SARDH: variants seen among roughly 807,000 people sequenced by gnomAD.
The protein encoded by SARDH is sarcosine dehydrogenase, mitochondrial.
Under a neutral mutation model 109.1 loss-of-function variants are expected in SARDH, and 95 were observed. That is an observed-to-expected ratio of 0.87 (90% CI 0.74 to 1.03). The LOEUF (loss-of-function observed/expected upper bound fraction) is 1.03, where lower values mean the gene tolerates loss of function less well. Ranked by LOEUF, SARDH falls within the 50% of genes least tolerant of loss-of-function variation. The pLI is 0.00. For synonymous variants in SARDH, 572 were observed against 534.8 expected (o/e 1.07, Z -0.96); for missense variants, 1,267 against 1,287.8 (o/e 0.98, Z 0.25).
At chr9:133,670,078 C>A (rs9409879) in intron 19 of SARDH, among the ~76,000 whole-genome samples, 5 of 152,100 alleles carry the variant, frequency 3.3e-5, no homozygotes, top group Admixed American at 1.3e-4. Context: ...CTTGTAATCC[C>A]AGCACTTTGG....
intron 6 of SARDH, among the ~76,000 whole-genome samples, chr9:133,726,600 G>C (rs190621750): frequency 8.3e-4 from 127 of 152,150 alleles, no homozygotes; most frequent in African/African-American, 3.0e-3. Flanking sequence ...CCAGCGGAGT[G>C]CCCAGTTCAG....
intron 17 of SARDH, among the ~76,000 whole-genome samples, chr9:133,673,079 G>A (rs1830404265): frequency 1.3e-5 from 2 of 152,234 alleles, no homozygotes; most frequent in African/African-American, 4.8e-5. Context: ...CACTGAGCAG[G>A]GCCTAGGCAC....
chr9:133,699,974 C>T lies in SARDH; in HGVS notation c.1668+2942G>A, dbSNP rs931882558. 1.1e-4 allele frequency among the ~76,000 whole-genome samples: 16 copies of T among 152,290 alleles called. No homozygotes were observed. The South Asian group carries it at 1.2e-3, about 12-fold the overall frequency. ...TGAAAACAATTCCAATGTCCACCAA[C>T]GGATCAATGGATGAGTAAAATATGA... On this transcript the variant is annotated intron_variant, in intron 13 of 20. Coordinates refer to ENST00000439388, the MANE Select transcript of SARDH (RefSeq NM_001134707.2).
chr9:133,703,095 G>T lies in SARDH; in HGVS notation c.1555-66C>A, dbSNP rs1255559577. 11 of 1,419,700 alleles carry T rather than the reference G, an allele frequency of 7.7e-6. No homozygotes were observed. In the South Asian group the frequency reaches 1.3e-4, roughly 17 times the overall value. The allele number at this position is 1,419,700 out of a possible 1,614,324, so 87.9% of individuals were successfully genotyped here. A position where few individuals can be genotyped will look rare whatever the true frequency, so the allele number is the denominator to read the frequency against. On this transcript the variant is annotated intron_variant, in intron 12 of 20. Coordinates refer to ENST00000439388, the MANE Select transcript of SARDH (RefSeq NM_001134707.2). ...CCCTCCCCGCTTCCCTCCCCAGAGC[G>T]GGGTCCCGCTGAGGCTGTGATGGGG...
intron 2 of SARDH, 110 bp from the exon 3 acceptor site, chr9:133,732,711 C>A: frequency 8.0e-7 from 1 of 1,256,906 alleles, no homozygotes; most frequent in Non-Finnish European, 1.1e-6. Context: ...TCTTTCTCTG[C>A]AAGGTCTTTC....
intron 2 of SARDH, 39 bp downstream of exon 2, chr9:133,733,804 C>T: frequency 7.0e-7 from 1 of 1,436,638 alleles, no homozygotes; most frequent in Non-Finnish European, 9.2e-7. Flanking sequence ...CTCGCTATGT[C>T]CTATCCTTCC....
chr9:133,718,634 TGAAG>T lies in SARDH; in HGVS notation c.1020+300_1020+303del. The T allele has an allele frequency of 1.3e-6, 1 of 776,966 alleles. No homozygotes were observed. The allele number at this position is 776,966 out of a possible 1,614,324, so 48.1% of individuals were successfully genotyped here. ...TGGTTGGGAGGGCAGTGTCATTTGCTGAAGGACGTAGGACTTGTGTGCTCTCATG... is the reference window on the plus strand; with the variant it reads ...TGGTTGGGAGGGCAGTGTCATTTGCTGACGTAGGACTTGTGTGCTCTCATG... On this transcript the variant is annotated intron_variant, in intron 7 of 20. Coordinates refer to ENST00000439388, the MANE Select transcript of SARDH (RefSeq NM_001134707.2). This position sits in a 1 kb window ranked among gnomAD's most constrained non-coding sequence, Gnocchi z 4.2.
rs1457852560 is a variant in SARDH, at chr9:133,693,141, T to C, written c.1921+1117A>G. ...CTAACATCCTACACCTTCCACTTATTTTATTTTTTTAATCCTATTTCCTCC... is the reference window on the plus strand; with the variant it reads ...CTAACATCCTACACCTTCCACTTATCTTATTTTTTTAATCCTATTTCCTCC... On this transcript the variant is annotated intron_variant, in intron 15 of 20. Coordinates refer to ENST00000439388, the MANE Select transcript of SARDH (RefSeq NM_001134707.2). This position sits in a 1 kb window ranked among gnomAD's most constrained non-coding sequence, Gnocchi z 5.6. Among the ~76,000 whole-genome samples the C allele has an allele frequency of 3.9e-5, 6 of 151,970 alleles. No homozygotes were observed. Among genetic ancestry groups the C allele is most frequent in the Admixed American group, 3.3e-4 (5 of 15,268 alleles).
chr9:133,660,713 ACCC>A (rs759425045), downstream of SARDH, among the ~76,000 whole-genome samples: 1 of 151,906 alleles, frequency 6.6e-6, no homozygotes, highest in African/African-American at 2.4e-5. Context: ...GGGTGGCACA[ACCC>A]CCCATCTGTG....
chr9:133,720,973 T>C (rs1275494420), intron 6 of SARDH, among the ~76,000 whole-genome samples: 2 of 151,982 alleles, frequency 1.3e-5, no homozygotes, highest in Non-Finnish European at 2.9e-5. Context: ...GCGATTAGGC[T>C]AAAAGAAAAA....
At chr9:133,730,871 G>A (rs1283300258) in intron 4 of SARDH, among the ~76,000 whole-genome samples, 2 of 152,140 alleles carry the variant, frequency 1.3e-5, no homozygotes, top group African/African-American at 4.8e-5. Context: ...CAGCTACTCA[G>A]GAGGCTGAGG....
intron 1 of SARDH, among the ~76,000 whole-genome samples, chr9:133,735,361 C>A (rs562951609): frequency 2.0e-5 from 3 of 152,302 alleles, no homozygotes; most frequent in East Asian, 3.9e-4. Context: ...TGACCCACCC[C>A]GACTCCCTCC....
At chr9:133,733,531 C>T (rs1564302408) in intron 2 of SARDH, among the ~76,000 whole-genome samples, 3 of 152,214 alleles carry the variant, frequency 2.0e-5, no homozygotes, top group East Asian at 3.9e-4. Flanking sequence ...GCCCTCAGTC[C>T]TGGTGGCTCT....
rs118112075 is a variant in SARDH, at chr9:133,729,748, C to T, written c.915+17G>A. The stretch of plus-strand genomic sequence containing the variant: ...GCCCCCCACAGACTGACACAGAACC[C>T]GGGGCTGTCCACCTACCTGAATCCC... On this transcript the variant is annotated intron_variant, in intron 6 of 20. Transcript: ENST00000439388. The T allele has an allele frequency of 0.033, 53,415 of 1,606,662 alleles. 1,016 individuals are homozygous for T. Among genetic ancestry groups the T allele is most frequent in the Non-Finnish European group, 0.038 (44,259 of 1,175,978 alleles).
chr9:133,684,432 A>C (rs977976560), intron 17 of SARDH, among the ~76,000 whole-genome samples: 4 of 152,242 alleles, frequency 2.6e-5, no homozygotes, highest in African/African-American at 9.6e-5. Flanking sequence ...GCCCTCGGCA[A>C]ACAGGGGCTG....
Position 133,712,630 on chromosome 9 carries a change from G to T in SARDH, c.1317C>A (p.Gly439=). ...CAATGGGCACTTACCTGATGTCATA[G>T]CCATGCATGTCCTTCTCCGGGCGCC... ...IHGRPEKDMH[G]YDIRRFHHSL... is the part of the protein sequence containing the mutation. Residue 439 remains glycine (G), a synonymous_variant, in exon 10 of 21, where the codon GGC becomes GGA. Transcript: ENST00000439388. The surrounding 1 kb of genome is among the most constrained non-coding windows in gnomAD (Gnocchi z 4.1). 1 of 1,609,212 alleles carries T rather than the reference G, an allele frequency of 6.2e-7. No individual in the cohort carries two copies.
At chr9:133,729,373 C>G (rs1016654056) in intron 6 of SARDH, among the ~76,000 whole-genome samples, 9 of 152,110 alleles carry the variant, frequency 5.9e-5, no homozygotes, top group African/African-American at 9.7e-5. Context: ...TGCCAGGAAC[C>G]AGCACCCTCT....
At chr9:133,734,412 T>TTCACTCATTCACTCATTCACTCATTCAC (rs756689169) in intron 1 of SARDH, among the ~76,000 whole-genome samples, 7 of 127,324 alleles carry the variant, frequency 5.5e-5, no homozygotes, top group African/African-American at 2.9e-4. Context: ...CATTCACTCA[T>TTCACTCATTCACTCATTCACTCATTCAC]TCATTCATTC....
chr9:133,703,716 G>A (rs1831579566), intron 12 of SARDH: 1 of 152,638 alleles, frequency 6.6e-6, no homozygotes, highest in Non-Finnish European at 1.5e-5. Context: ...GTGAATGCAG[G>A]TGTGGGCAAT....
Sources: allele counts gnomAD v4.1 joint callset (sites outside exome capture counted in the v4.1 genomes callset), GRCh38; gene constraint gnomAD v4.1.1; non-coding constraint Gnocchi (gnomAD v3.1); transcripts MANE v1.5; gene names NCBI Gene and HGNC (gene_info 2026-07-23, HGNC 2026-07-21).